FAM161A: variants seen among roughly 807,000 people sequenced by gnomAD.
FAM161A encodes the protein FAM161 centrosomal protein A, also known as protein FAM161A.
FAM161A carries 57 observed loss-of-function variants against 70.9 expected under a neutral mutation model. The ratio of observed to expected loss-of-function variants is 0.80; its 90% CI spans 0.65 to 1.00. The LOEUF (loss-of-function observed/expected upper bound fraction) is 1.00. Among genes scored for constraint, FAM161A ranks in the 50% least tolerant of loss-of-function variants. The pLI, the probability that FAM161A is intolerant of heterozygous loss-of-function variation, is 0.00. For synonymous variants in FAM161A, 299 were observed against 295.7 expected, an observed-to-expected ratio of 1.01 and a Z score of -0.12; for missense variants, 880 against 836.0, an observed-to-expected ratio of 1.05 and a Z score of -0.65.
At chr2:61,815,574 G>A in the FAM161A span, among the ~76,000 whole-genome samples, 21 of 105,222 alleles carry the variant, frequency 2.0e-4, no homozygotes, top group African/African-American at 7.4e-4. Context: ...TTTTTGAGAT[G>A]GAGTCTCGTT....
At chr2:61,814,880 A>T in the FAM161A span, among the ~76,000 whole-genome samples, 16 of 152,304 alleles carry the variant, frequency 1.1e-4, no homozygotes, top group African/African-American at 3.8e-4. Context: ...GCCAGAGGCT[A>T]AATCCCCTTC....
At chr2:61,822,877 G>A (rs946886184), downstream of FAM161A, among the ~76,000 whole-genome samples, 2 of 152,018 alleles carry the variant, frequency 1.3e-5, no homozygotes, top group African/African-American at 2.4e-5. Context: ...GGCATGAGCC[G>A]CTGCACCCGG....
the FAM161A span, among the ~76,000 whole-genome samples, chr2:61,817,162 C>T: frequency 3.3e-5 from 5 of 152,204 alleles, 1 homozygote; most frequent in East Asian, 5.8e-4. Flanking sequence ...CAGGGCCCTT[C>T]GCTTTCTTCG....
chr2:61,841,992 C>A lies in FAM161A; in HGVS notation c.422+130G>T, dbSNP rs1040846807. ...AGCCATTAAACATTTTGAATAAAAT[C>A]CTACCTCTGTATATCGTTGGGAGTA... On this transcript the variant is annotated intron_variant, in intron 2 of 6. Transcript: ENST00000404929. 23 of 701,858 alleles carry A rather than the reference C, an allele frequency of 3.3e-5. No homozygotes were observed. The African/African-American group carries it at 3.9e-4, about 12-fold the overall frequency. 43.5% of individuals were successfully genotyped at this position (701,858 alleles called of 1,614,324 possible). A position where few individuals can be genotyped will look rare whatever the true frequency, so the allele number is the denominator to read the frequency against.
At position 61,839,670 on chromosome 2, in the gene FAM161A, T is replaced by G. The variant is rs918811732; in HGVS notation, c.1334A>C (p.His445Pro). Reference sequence around the variant, plus strand: ...CACTGTTAAGAGTTTTGGAGACTTGTGTTCTGAGAGGTGTTTCTGGTATCT... The same window carrying G: ...CACTGTTAAGAGTTTTGGAGACTTGGGTTCTGAGAGGTGTTTCTGGTATCT... ...PERYQKHLSE[H>P]KSPKLLTVCK... is the part of the protein sequence containing the mutation. The change falls in exon 3 of 7, where the codon CAC becomes CCC. Residue 445 changes from histidine (H) to proline (P), a missense_variant. By Grantham distance (77) the His-to-Pro change is moderately conservative (BLOSUM62 -2). Transcript: ENST00000404929. 1.9e-6 allele frequency: 3 copies of G among 1,614,130 alleles called. No homozygotes were observed. Among genetic ancestry groups the G allele is most frequent in the Non-Finnish European group, 2.5e-6 (3 of 1,180,048 alleles).
the FAM161A span, among the ~76,000 whole-genome samples, chr2:61,815,749 C>G: frequency 6.6e-6 from 1 of 151,618 alleles, no homozygotes; most frequent in Non-Finnish European, 1.5e-5. Flanking sequence ...CTGGGTTTCA[C>G]CAGGTTGGCC....
the FAM161A span, among the ~76,000 whole-genome samples, chr2:61,801,673 G>C: frequency 6.6e-6 from 1 of 150,798 alleles, no homozygotes; most frequent in Non-Finnish European, 1.5e-5. Flanking sequence ...CGATTGTCCT[G>C]CCTTAGCCTC....
chr2:61,817,145 G>A, the FAM161A span, among the ~76,000 whole-genome samples: 27 of 152,320 alleles, frequency 1.8e-4, no homozygotes, highest in East Asian at 1.3e-3. Flanking sequence ...CAAGTGCCAC[G>A]CGGGGACAGG....
chr2:61,847,584 A>T (rs1032074922), intron 1 of FAM161A, among the ~76,000 whole-genome samples: 15 of 152,096 alleles, frequency 9.9e-5, no homozygotes, highest in Non-Finnish European at 1.6e-4. Context: ...CAGCCTGGGT[A>T]ACACGTCAAG....
rs142803780 is a variant in FAM161A at position 61,828,588 on chromosome 2, A to G, written c.1852-1330T>C. Among the ~76,000 whole-genome samples, 210 of 152,324 alleles carry G rather than the reference A, an allele frequency of 1.4e-3. 1 individual carries two copies. Among genetic ancestry groups the G allele is most frequent in the African/African-American group, 4.6e-3 (193 of 41,578 alleles). ...AGTGATCCACCGGCCTTGGCCTCCC[A>G]AAGTGCTGGGATTACAGGCATGAGC... On this transcript the variant is annotated intron_variant, in intron 5 of 6. Transcript: ENST00000404929.
downstream of FAM161A, among the ~76,000 whole-genome samples, chr2:61,824,223 A>G (rs912438959): frequency 3.5e-4 from 46 of 132,846 alleles, no homozygotes; most frequent in Non-Finnish European, 5.7e-4. Flanking sequence ...TATTTTTAGT[A>G]GAGACGGGGT....
At chr2:61,810,340 A>G in the FAM161A span, among the ~76,000 whole-genome samples, 3 of 151,986 alleles carry the variant, frequency 2.0e-5, no homozygotes, top group Non-Finnish European at 4.4e-5. Flanking sequence ...TGTAGAAGCC[A>G]TCTCAGAACA....
the FAM161A span, among the ~76,000 whole-genome samples, chr2:61,817,561 G>A: frequency 6.6e-6 from 1 of 152,220 alleles, no homozygotes; most frequent in African/African-American, 2.4e-5. Flanking sequence ...GAGCCTGGTG[G>A]AGTCTCTTTT....
At chr2:61,828,281 T>C (rs1380219734) in intron 5 of FAM161A, among the ~76,000 whole-genome samples, 1 of 31,644 alleles carries the variant, frequency 3.2e-5, no homozygotes, top group Non-Finnish European at 7.9e-5. Context: ...TATAAAGATA[T>C]CTGAAAAAAA....
At chr2:61,830,509 C>T (rs747948471) in intron 5 of FAM161A, among the ~76,000 whole-genome samples, 10 of 151,618 alleles carry the variant, frequency 6.6e-5, no homozygotes, top group Admixed American at 3.3e-4. Context: ...GGTGAAATCC[C>T]GTCTCTACTA....
the FAM161A span, among the ~76,000 whole-genome samples, chr2:61,813,559 A>G: frequency 6.7e-6 from 1 of 150,158 alleles, no homozygotes; most frequent in Non-Finnish European, 1.5e-5. Flanking sequence ...AAAAAAAAAA[A>G]AAAAAAAAAA....
At chr2:61,824,020 T>C (rs1244654734), downstream of FAM161A, among the ~76,000 whole-genome samples, 7 of 151,794 alleles carry the variant, frequency 4.6e-5, no homozygotes, top group Non-Finnish European at 1.0e-4. Flanking sequence ...GTCAATTTGA[T>C]GTCTTTTTTT....
intron 4 of FAM161A, chr2:61,836,853 C>A: frequency 7.9e-6 from 2 of 251,676 alleles, no homozygotes; most frequent in South Asian, 4.0e-5. Flanking sequence ...GGATTACAGG[C>A]ATGAGCCATT....
At chr2:61,808,934 G>A in the FAM161A span, among the ~76,000 whole-genome samples, 2 of 152,028 alleles carry the variant, frequency 1.3e-5, no homozygotes, top group Non-Finnish European at 1.5e-5. Flanking sequence ...GTGCAGTGGT[G>A]TGATCTCGGC....
Sources: allele counts gnomAD v4.1 joint callset (sites outside exome capture counted in the v4.1 genomes callset), GRCh38; gene constraint gnomAD v4.1.1; transcripts MANE v1.5; gene names NCBI Gene and HGNC (gene_info 2026-07-23, HGNC 2026-07-21).